Variants in CAGE1 observed in about 807,000 individuals in gnomAD.
CAGE1 encodes the protein cancer antigen 1.
In CAGE1, 66 loss-of-function variants were observed where a neutral mutation model predicts 94.9. The observed-to-expected ratio is 0.70, with a 90% CI of 0.57 to 0.85. The LOEUF (loss-of-function observed/expected upper bound fraction) is 0.85, where lower values mean the gene tolerates loss of function less well. CAGE1 is among the 40% of genes least tolerant of loss of function. CAGE1 has a pLI of 0.00. For synonymous variants in CAGE1, 319 were observed against 321.0 expected, an observed-to-expected ratio of 0.99 and a Z score of 0.07; for missense variants, 865 against 950.4, an observed-to-expected ratio of 0.91 and a Z score of 1.18.
intron 11 of CAGE1, among the ~76,000 whole-genome samples, chr6:7,346,185 A>C (rs1759523841): frequency 1.3e-5 from 2 of 152,230 alleles, no homozygotes; most frequent in South Asian, 4.1e-4. Context: ...TATACCTTTT[A>C]ATGAGAGTAA....
intron 4 of CAGE1, among the ~76,000 whole-genome samples, chr6:7,375,499 G>T (rs1455515205): frequency 6.6e-6 from 1 of 152,188 alleles, no homozygotes; most frequent in African/African-American, 2.4e-5. Flanking sequence ...CACTTTGGGA[G>T]CCCAAGGTGA....
chr6:7,327,955 A>ATAAC (rs1758593608), intron 13 of CAGE1, among the ~76,000 whole-genome samples: 1 of 148,596 alleles, frequency 6.7e-6, no homozygotes, highest in African/African-American at 2.6e-5. Context: ...AAATAAATAA[A>ATAAC]TAAATAACCA....
At chr6:7,329,794 T>C in intron 13 of CAGE1, 55 bp downstream of exon 13, 2 of 863,490 alleles carry the variant, frequency 2.3e-6, no homozygotes, top group Non-Finnish European at 3.8e-6. Flanking sequence ...CTTGTGTTAT[T>C]GTCAAATTAC....
intron 9 of CAGE1, among the ~76,000 whole-genome samples, chr6:7,357,049 C>T (rs1350412466): frequency 2.6e-5 from 4 of 152,228 alleles, no homozygotes; most frequent in African/African-American, 7.2e-5. Context: ...CGCCCCCCGT[C>T]GGCCTCCCAA....
intron 11 of CAGE1, among the ~76,000 whole-genome samples, chr6:7,348,108 G>A (rs114650838): frequency 6.6e-6 from 1 of 152,164 alleles, no homozygotes; most frequent in African/African-American, 2.4e-5. Context: ...CTCCTCACAG[G>A]AGGCCAACCA....
chr6:7,339,433 T>C lies in CAGE1; in HGVS notation c.2370-5343A>G. On this transcript the variant is annotated intron_variant, in intron 11 of 13. Transcript: ENST00000502583. This position sits in a 1 kb window ranked among gnomAD's most constrained non-coding sequence, Gnocchi z 4.7. ...CTGGTGGCTAAGACAATGATTTCTG[T>C]CCTGGTTGGTGTAACTCGCATCTCA... The C allele has an allele frequency of 7.0e-7, 1 of 1,420,968 alleles. No individual in the cohort carries two copies. The highest frequency in any genetic ancestry group is 9.9e-7 in the Non-Finnish European group (1 of 1,005,038). The allele number at this position is 1,420,968 out of a possible 1,614,324, so 88.0% of individuals were successfully genotyped here.
intron 13 of CAGE1, among the ~76,000 whole-genome samples, chr6:7,328,639 T>TG (rs988850339): frequency 1.3e-5 from 2 of 152,110 alleles, no homozygotes; most frequent in Non-Finnish European, 2.9e-5. Flanking sequence ...AGTTGGTGAA[T>TG]GGATACAAAA....
rs1262751835 is a variant in CAGE1 at position 7,389,710 on chromosome 6, C to T, written c.-532G>A. 3 of 496,824 alleles carry T rather than the reference C, an allele frequency of 6.0e-6. No individual in the cohort carries two copies. The highest frequency in any genetic ancestry group is 7.1e-5 in the Admixed American group (2 of 28,356). 30.8% of individuals were successfully genotyped at this position (496,824 alleles called of 1,614,324 possible). ...CCTTCCTGAGAGCACAGAACATCCA[C>T]AGCCCTATACAGCGCGCCATCCAGA... On this transcript the variant is annotated 5_prime_UTR_variant, in exon 1 of 14. The change creates a new upstream start codon in the 5' untranslated region. Transcript: ENST00000502583.
chr6:7,364,732 T>G (rs1760268269), intron 9 of CAGE1, among the ~76,000 whole-genome samples: 1 of 151,884 alleles, frequency 6.6e-6, no homozygotes, highest in South Asian at 2.1e-4. Flanking sequence ...CCTCCCAAAG[T>G]GCTTGGATTA....
intron 4 of CAGE1, among the ~76,000 whole-genome samples, chr6:7,376,035 A>G (rs1760730516): frequency 6.6e-6 from 1 of 152,186 alleles, no homozygotes. Flanking sequence ...AGGTGAATAA[A>G]AATGACTAAA....
chr6:7,347,505 G>A (rs1449274949), intron 11 of CAGE1: 3 of 106,588 alleles, frequency 2.8e-5, no homozygotes, highest in African/African-American at 1.8e-4. Context: ...AGCGAGGGTG[G>A]GGGGGGGGGT....
At chr6:7,352,308 AAAAAAAAC>A (rs1759806727) in intron 11 of CAGE1, among the ~76,000 whole-genome samples, 6 of 131,960 alleles carry the variant, frequency 4.5e-5, no homozygotes, top group African/African-American at 1.5e-4. Context: ...AAAAAAAACA[AAAAAAAAC>A]AAAAAAAAAA....
chr6:7,345,077 C>G (rs550638014), intron 11 of CAGE1, among the ~76,000 whole-genome samples: 1 of 151,826 alleles, frequency 6.6e-6, no homozygotes, highest in East Asian at 1.9e-4. Context: ...AAGCTTTGTT[C>G]TTTCACCCTG....
At chr6:7,382,309 T>A (rs985876369) in intron 3 of CAGE1, among the ~76,000 whole-genome samples, 2 of 151,298 alleles carry the variant, frequency 1.3e-5, no homozygotes, top group Non-Finnish European at 3.0e-5. Flanking sequence ...GCATTTCTCC[T>A]GTCTTTTTTT....
chr6:7,372,871 T>C (rs1581692212), intron 5 of CAGE1, among the ~76,000 whole-genome samples: 1 of 152,076 alleles, frequency 6.6e-6, no homozygotes, highest in Non-Finnish European at 1.5e-5. Context: ...AGAGATGGGG[T>C]CTCACTATGT....
intron 3 of CAGE1, among the ~76,000 whole-genome samples, chr6:7,379,880 T>G (rs1581698180): frequency 6.6e-6 from 1 of 152,244 alleles, no homozygotes; most frequent in East Asian, 1.9e-4. Flanking sequence ...TTAAGTTCCA[T>G]TTAGTAAATA....
chr6:7,358,065 T>TAC (rs1554138236), intron 9 of CAGE1, among the ~76,000 whole-genome samples: 6 of 114,084 alleles, frequency 5.3e-5, no homozygotes, highest in African/African-American at 2.2e-4. Flanking sequence ...TATATATATA[T>TAC]ATATATGCCT....
At position 7,373,315 on chromosome 6, in the gene CAGE1, T is replaced by C. The variant is rs1476135172; in HGVS notation, c.1504A>G (p.Arg502Gly). The part of the protein sequence containing the change: ...QKLEKENLEE[R>G]QKLKSRLEKL... ...TCAAGTCTAGATTTCAGTTTCTGTC[T>C]TTCTTCCAGGTTTTCCTTTTCAAGT... The change falls in exon 5 of 14, where the codon AGA becomes GGA. Residue 502 changes from arginine to glycine, a missense_variant. Coordinates refer to ENST00000502583, the MANE Select transcript of CAGE1 (RefSeq NM_001170692.2). 1 of 1,608,802 alleles carries C rather than the reference T, an allele frequency of 6.2e-7. No homozygotes were observed. Among genetic ancestry groups the C allele is most frequent in the Middle Eastern group, 1.7e-4 (1 of 6,048 alleles).
chr6:7,356,991 T>C (rs749883061), intron 9 of CAGE1, among the ~76,000 whole-genome samples: 80 of 151,930 alleles, frequency 5.3e-4, no homozygotes, highest in Non-Finnish European at 8.1e-4. Context: ...GAGATGGGGT[T>C]TCACCATGTT....
Sources: allele counts gnomAD v4.1 joint callset (sites outside exome capture counted in the v4.1 genomes callset), GRCh38; gene constraint gnomAD v4.1.1; non-coding constraint Gnocchi (gnomAD v3.1); transcripts MANE v1.5; gene names NCBI Gene and HGNC (gene_info 2026-07-23, HGNC 2026-07-21).